Variants in FNDC3A observed in about 807,000 individuals in gnomAD.
FNDC3A encodes the protein fibronectin type-III domain-containing protein 3A.
In FNDC3A, 32 loss-of-function variants were observed where a neutral mutation model predicts 148.9. The ratio of observed to expected loss-of-function variants is 0.21; its 90% confidence interval spans 0.16 to 0.29. The LOEUF is 0.29. FNDC3A is among the 10% of genes least tolerant of loss of function. The pLI, the probability that FNDC3A is intolerant of heterozygous loss-of-function variation, is 1.00. For synonymous variants in FNDC3A, 472 were observed against 473.6 expected, an observed-to-expected ratio of 1.00 and a Z score of 0.04; for missense variants, 1,191 against 1,452.8, an observed-to-expected ratio of 0.82 and a Z score of 2.93.
chr13:49,060,783 A>G (rs2137736040), intron 2 of FNDC3A, among the ~76,000 whole-genome samples: 1 of 152,304 alleles, frequency 6.6e-6, no homozygotes, highest in Non-Finnish European at 1.5e-5. Context: ...AACATCCAAA[A>G]TAGGTAAATA....
chr13:49,130,962 C>T (rs1403508221), intron 4 of FNDC3A, among the ~76,000 whole-genome samples, 175 bp from the exon 5 acceptor site: 6 of 152,038 alleles, frequency 3.9e-5, no homozygotes, highest in East Asian at 1.9e-4. Context: ...GACAGGGTTT[C>T]GCCATGTTGT....
intron 1 of FNDC3A, chr13:48,976,476 A>T (rs903673523): frequency 1.3e-5 from 2 of 153,158 alleles, no homozygotes; most frequent in Non-Finnish European, 2.9e-5. Context: ...CATCCAGCCC[A>T]AGAGGAGGCG....
At chr13:49,072,652 AATTATT>A (rs1384027480) in intron 2 of FNDC3A, among the ~76,000 whole-genome samples, 1 of 152,066 alleles carries the variant, frequency 6.6e-6, no homozygotes, top group African/African-American at 2.4e-5. Flanking sequence ...TAAAAATAAT[AATTATT>A]ATTTAATTGC....
chr13:49,120,098 A>C (rs928295584), intron 4 of FNDC3A, among the ~76,000 whole-genome samples: 1 of 152,182 alleles, frequency 6.6e-6, no homozygotes, highest in East Asian at 1.9e-4. Context: ...GAGAAAGGTC[A>C]GGTTACCCAC....
In FNDC3A at chr13:49,209,249, C is replaced by T. The variant is rs1011785594; in HGVS notation, c.*1854C>T. ...AAAATGGTAAAATGTGCCACTGTGT[C>T]AAGTTACAGTGGCTTATGTTTTTCA... On this transcript the variant is annotated 3_prime_UTR_variant, in exon 26 of 26. Transcript: ENST00000492622. The T allele has an allele frequency of 3.9e-5, 6 of 152,666 alleles. No homozygotes were observed. Among genetic ancestry groups the T allele is most frequent in the Non-Finnish European group, 7.4e-5 (5 of 67,996 alleles). The allele number at this position is 152,666 out of a possible 1,614,324, so 9.5% of individuals were successfully genotyped here.
intron 2 of FNDC3A, among the ~76,000 whole-genome samples, chr13:49,059,161 G>A (rs1054788296): frequency 9.2e-5 from 14 of 152,114 alleles, no homozygotes; most frequent in African/African-American, 3.4e-4. Context: ...CTGGATATCC[G>A]CATGCAAAAC....
chr13:49,138,868 A>C, intron 7 of FNDC3A, 63 bp downstream of exon 7: 1 of 895,606 alleles, frequency 1.1e-6, no homozygotes, highest in Non-Finnish European at 1.7e-6. Flanking sequence ...ATGTTCATCC[A>C]TCAAAATGTA....
intron 16 of FNDC3A, chr13:49,187,475 A>T: frequency 1.3e-6 from 2 of 1,493,116 alleles, no homozygotes; most frequent in Admixed American, 3.4e-5. Context: ...GAACTGAAAC[A>T]TCCTTATGTT....
intron 1 of FNDC3A, among the ~76,000 whole-genome samples, chr13:48,978,388 T>G (rs779119143): frequency 6.6e-5 from 10 of 152,206 alleles, no homozygotes; most frequent in Non-Finnish European, 1.2e-4. Flanking sequence ...CTTTATCAAT[T>G]TTTAGTAATA....
At chr13:49,072,312 A>G (rs1472375647) in intron 2 of FNDC3A, among the ~76,000 whole-genome samples, 1 of 152,156 alleles carries the variant, frequency 6.6e-6, no homozygotes, top group Non-Finnish European at 1.5e-5. Flanking sequence ...CCTTTGATGA[A>G]AATGAATTGG....
chr13:49,193,226 T>C (rs1885977157), intron 19 of FNDC3A, among the ~76,000 whole-genome samples: 1 of 152,158 alleles, frequency 6.6e-6, no homozygotes, highest in South Asian at 2.1e-4. Context: ...TACTCTTTAT[T>C]TGTAGATACC....
intron 3 of FNDC3A, among the ~76,000 whole-genome samples, chr13:49,101,061 A>G (rs148581233): frequency 6.4e-4 from 98 of 152,310 alleles, no homozygotes; most frequent in African/African-American, 2.0e-3. Flanking sequence ...GATAAGAGGT[A>G]AAACCTGGGT....
rs1389314582 is a variant in FNDC3A at position 49,172,054 on chromosome 13, C to A, written c.1188C>A (p.Asp396Glu). 22 of 1,604,524 alleles carry A rather than the reference C, an allele frequency of 1.4e-5. No homozygotes were observed. The highest frequency in any genetic ancestry group is 1.9e-5 in the Non-Finnish European group (22 of 1,175,086). ...SLTLQWKAPS[D>E]NGSKIQNFVL... ...GGTGTTGGTTTTAGGCACCTAGTGA[C>A]AATGGTTCTAAAATCCAAAACTTTG... The change falls in exon 11 of 26, where the codon GAC becomes GAA. Residue 396 changes from aspartate (D) to glutamate (E), a missense_variant. Around this residue, in one of 3 missense-constraint regions of FNDC3A, gnomAD observed 14 missense variants for 35.5 expected, o/e 0.39. Coordinates refer to ENST00000492622, the MANE Select transcript of FNDC3A (RefSeq NM_001079673.2).
intron 23 of FNDC3A, 150 bp from the exon 24 acceptor site, chr13:49,201,650 G>A: frequency 2.5e-6 from 1 of 400,688 alleles, no homozygotes; most frequent in Non-Finnish European, 4.5e-6. Context: ...TTTATTTTAA[G>A]TGACATAGAG....
At chr13:49,059,877 C>A (rs1157250165) in intron 2 of FNDC3A, among the ~76,000 whole-genome samples, 1 of 152,164 alleles carries the variant, frequency 6.6e-6, no homozygotes, top group Non-Finnish European at 1.5e-5. Flanking sequence ...AAAAACTTTT[C>A]TCCAAAGAAG....
At chr13:49,001,577 A>T (rs1181033837) in intron 1 of FNDC3A, among the ~76,000 whole-genome samples, 3 of 152,202 alleles carry the variant, frequency 2.0e-5, no homozygotes, top group African/African-American at 7.2e-5. Flanking sequence ...AGCAAGGAAC[A>T]TCCCTGAGAA....
intron 9 of FNDC3A, among the ~76,000 whole-genome samples, chr13:49,167,812 T>G (rs754701272): frequency 1.4e-4 from 21 of 152,162 alleles, no homozygotes; most frequent in Non-Finnish European, 2.6e-4. Flanking sequence ...GGACTAATCA[T>G]CCTGTTTGTA....
At chr13:49,044,611 A>G (rs1875213975) in intron 2 of FNDC3A, 1 of 188,426 alleles carries the variant, frequency 5.3e-6, no homozygotes, top group African/African-American at 2.4e-5. Flanking sequence ...CAGAGGTTGC[A>G]GTAAGCTGAG....
At chr13:49,110,992 G>A (rs562792544) in intron 3 of FNDC3A, among the ~76,000 whole-genome samples, 13 of 152,232 alleles carry the variant, frequency 8.5e-5, no homozygotes, top group Admixed American at 2.6e-4. Context: ...CTCCATGATT[G>A]GGGTAAATCA....
Sources: allele counts gnomAD v4.1 joint callset (sites outside exome capture counted in the v4.1 genomes callset), GRCh38; gene constraint gnomAD v4.1.1; regional missense constraint gnomAD v4.1.1; transcripts MANE v1.5; gene names NCBI Gene and HGNC (gene_info 2026-07-23, HGNC 2026-07-21).